Variants in ZNF722 observed in about 807,000 individuals in gnomAD.
The protein encoded by ZNF722 is zinc finger protein 722.
At chr7:64,005,764 C>T in the ZNF722 span, 2 of 1,494,492 alleles carry the variant, frequency 1.3e-6, no homozygotes, top group Middle Eastern at 1.8e-4. Flanking sequence ...ATACACAATT[C>T]CTAATATATT....
chr7:64,013,873 T>G, the ZNF722 span, among the ~76,000 whole-genome samples: 207 of 152,236 alleles, frequency 1.4e-3, 1 homozygote, highest in Non-Finnish European at 3.5e-4. Context: ...CTTTATTTTT[T>G]TCTTTATTTT....
chr7:64,014,393 A>G, the ZNF722 span, among the ~76,000 whole-genome samples: 2 of 151,996 alleles, frequency 1.3e-5, no homozygotes, highest in African/African-American at 2.4e-5. Flanking sequence ...TTGTTGCCCA[A>G]ATATTTTGTA....
chr7:64,015,955 A>T, the ZNF722 span: 4 of 1,211,818 alleles, frequency 3.3e-6, no homozygotes, highest in African/African-American at 4.6e-5. Context: ...CTTATAATAC[A>T]TACAATAATT....
At chr7:64,002,051 T>G in the ZNF722 span, among the ~76,000 whole-genome samples, 1 of 151,874 alleles carries the variant, frequency 6.6e-6, no homozygotes, top group African/African-American at 2.4e-5. Flanking sequence ...CCCAGCTAAT[T>G]TTTGTATTTT....
At chr7:63,998,911 C>T in the ZNF722 span, 1 of 1,470,072 alleles carries the variant, frequency 6.8e-7, no homozygotes, top group Non-Finnish European at 9.2e-7. Flanking sequence ...ATTCTCTGCT[C>T]CTAGAGGCCA....
the ZNF722 span, among the ~76,000 whole-genome samples, chr7:64,001,691 A>T: frequency 6.6e-6 from 1 of 152,202 alleles, no homozygotes; most frequent in Non-Finnish European, 1.5e-5. Flanking sequence ...AAACAAATTT[A>T]TACTCTCACT....
the ZNF722 span, chr7:64,005,518 C>T: frequency 7.9e-6 from 5 of 636,238 alleles, no homozygotes; most frequent in Admixed American, 1.5e-4. Context: ...ATTTTACTCT[C>T]TTTTTTAACT....
the ZNF722 span, among the ~76,000 whole-genome samples, chr7:64,003,855 T>G: frequency 1.3e-5 from 2 of 152,156 alleles, no homozygotes; most frequent in Admixed American, 6.6e-5. Context: ...TGTCTTTGGA[T>G]ATTAGTGAAA....
At chr7:64,004,421 A>ATATATAT in the ZNF722 span, among the ~76,000 whole-genome samples, 5 of 69,478 alleles carry the variant, frequency 7.2e-5, no homozygotes, top group African/African-American at 3.3e-4. Flanking sequence ...AAAAAAAAAA[A>ATATATAT]AAAAATATAT....
At chr7:64,015,139 T>G in the ZNF722 span, 6 of 1,430,230 alleles carry the variant, frequency 4.2e-6, no homozygotes, top group Non-Finnish European at 9.9e-7. Context: ...AATTTACAAT[T>G]TAAAAAATGC....
the ZNF722 span, among the ~76,000 whole-genome samples, chr7:64,014,442 A>G: frequency 1.3e-5 from 2 of 152,164 alleles, no homozygotes; most frequent in South Asian, 2.1e-4. Flanking sequence ...ACATTAACAT[A>G]AAACTACCTT....
chr7:64,003,372 T>A, the ZNF722 span, among the ~76,000 whole-genome samples: 1 of 152,174 alleles, frequency 6.6e-6, no homozygotes, highest in Non-Finnish European at 1.5e-5. Flanking sequence ...GCCGTGGGTG[T>A]GTGTGGCGGT....
the ZNF722 span, among the ~76,000 whole-genome samples, chr7:64,001,780 G>A: frequency 6.6e-6 from 1 of 152,022 alleles, no homozygotes; most frequent in African/African-American, 2.4e-5. Flanking sequence ...TGACTTTTTA[G>A]TCTAATTGTT....
chr7:64,007,741 C>T, the ZNF722 span, among the ~76,000 whole-genome samples: 2 of 152,222 alleles, frequency 1.3e-5, no homozygotes, highest in South Asian at 4.1e-4. Flanking sequence ...GATTTATAAT[C>T]CTTTGGGTAT....
the ZNF722 span, among the ~76,000 whole-genome samples, chr7:64,000,110 T>C: frequency 9.6e-6 from 1 of 104,514 alleles, no homozygotes; most frequent in Non-Finnish European, 2.1e-5. Context: ...GGAAACTGCT[T>C]TTCCCTTACT....
chr7:64,010,856 C>G, the ZNF722 span, among the ~76,000 whole-genome samples: 3 of 151,990 alleles, frequency 2.0e-5, no homozygotes, highest in Non-Finnish European at 4.4e-5. Context: ...TTAAAGTCTC[C>G]CGATATTATT....
the ZNF722 span, among the ~76,000 whole-genome samples, chr7:63,999,161 A>G: frequency 2.6e-5 from 4 of 152,172 alleles, no homozygotes; most frequent in Non-Finnish European, 5.9e-5. Context: ...GAACCGTAAG[A>G]TGCTGCCTGG....
the ZNF722 span, chr7:64,015,967 A>G: frequency 8.8e-7 from 1 of 1,139,702 alleles, no homozygotes; most frequent in Non-Finnish European, 1.2e-6. Context: ...ACAATAATTT[A>G]TGCTGGAAAA....
the ZNF722 span, among the ~76,000 whole-genome samples, chr7:63,999,647 T>C: frequency 6.6e-6 from 1 of 152,200 alleles, no homozygotes; most frequent in Non-Finnish European, 1.5e-5. Context: ...CAGTCTGTGG[T>C]TGACTAGGCC....
Sources: gnomAD v4.1 joint callset for allele counts (sites outside exome capture counted in the v4.1 genomes callset) on GRCh38, gnomAD v4.1.1 for gene constraint, MANE v1.5 for transcripts, NCBI Gene and HGNC (gene_info 2026-07-23, HGNC 2026-07-21) for gene names.